ST8SIA6: variants seen among roughly 807,000 people sequenced by gnomAD.
ST8SIA6 encodes the protein ST8 alpha-N-acetyl-neuraminide alpha-2,8-sialyltransferase 6, also known as alpha-2,8-sialyltransferase 8F.
ST8SIA6 carries 39 observed loss-of-function variants against 33.6 expected under a neutral mutation model. The observed-to-expected ratio is 1.16, with a 90% CI of 0.90 to 1.52. The LOEUF (loss-of-function observed/expected upper bound fraction) is 1.52, where lower values mean the gene tolerates loss of function less well. Among genes scored for constraint, ST8SIA6 ranks in the 40% most tolerant of loss-of-function variants. ST8SIA6 has a pLI of 0.00. For synonymous variants in ST8SIA6, 172 were observed against 167.2 expected (o/e 1.03, Z -0.22); for missense variants, 441 against 443.8 (o/e 0.99, Z 0.06).
chr10:17,377,095 C>G (rs533033298), intron 3 of ST8SIA6, among the ~76,000 whole-genome samples: 2 of 152,134 alleles, frequency 1.3e-5, no homozygotes, highest in East Asian at 3.8e-4. Context: ...TGATGACATT[C>G]CACCATCATG....
chr10:17,385,553 GTTA>G (rs887707908), intron 3 of ST8SIA6, among the ~76,000 whole-genome samples: 11 of 151,272 alleles, frequency 7.3e-5, no homozygotes, highest in African/African-American at 2.4e-4. Flanking sequence ...GTTAAAGGGG[GTTA>G]TTCTCTTGCA....
intron 2 of ST8SIA6, among the ~76,000 whole-genome samples, chr10:17,434,352 G>A (rs1455537756): frequency 2.0e-5 from 3 of 152,214 alleles, no homozygotes; most frequent in South Asian, 2.1e-4. Context: ...GTTTTTACCC[G>A]ATCAAATTAG....
At chr10:17,343,407 T>A (rs1429917704) in intron 4 of ST8SIA6, among the ~76,000 whole-genome samples, 1 of 152,218 alleles carries the variant, frequency 6.6e-6, no homozygotes, top group African/African-American at 2.4e-5. Flanking sequence ...AGCTCATAAA[T>A]GTTTGAAAAG....
chr10:17,326,916 T>G (rs1848148723), intron 6 of ST8SIA6, 98 bp downstream of exon 6: 3 of 835,376 alleles, frequency 3.6e-6, no homozygotes, highest in Admixed American at 3.5e-5. Flanking sequence ...GTAACAGAGC[T>G]CAAAGGTGAA....
At position 17,454,331 on chromosome 10, in the gene ST8SIA6, C is replaced by G. The variant is rs1217486840; in HGVS notation, c.-76G>C. ...CCGGGCGGCCCCGACTCGCGGCTCC[C>G]GCCGCCGCCGCCACCGCCGCCGTGG... On this transcript the variant is annotated 5_prime_UTR_variant, in exon 1 of 8. Transcript: ENST00000377602. The surrounding 1 kb of genome is among the most constrained non-coding windows in gnomAD (Gnocchi z 4.1). 1 of 162,822 alleles carries G rather than the reference C, an allele frequency of 6.1e-6. No individual in the cohort carries two copies. The highest frequency in any genetic ancestry group is 6.5e-5 in the Admixed American group (1 of 15,410). 10.1% of individuals were successfully genotyped at this position (162,822 alleles called of 1,614,324 possible).
intron 2 of ST8SIA6, among the ~76,000 whole-genome samples, chr10:17,420,987 ACGAGAACAGCAAGGGTGAAATCG>A (rs1470263850): frequency 1.3e-5 from 2 of 152,152 alleles, no homozygotes; most frequent in East Asian, 3.9e-4. Flanking sequence ...AGAACAGAAC[ACGAGAACAGCAAGGGTGAAATCG>A]CGAGAACAGC....
chr10:17,348,451 G>C lies in ST8SIA6; in HGVS notation c.377+11063C>G, dbSNP rs186322352. On this transcript the variant is annotated intron_variant, in intron 4 of 7. Coordinates refer to ENST00000377602, the MANE Select transcript of ST8SIA6 (RefSeq NM_001004470.3). ...TATTTCATGAACTTCAATTTACCAG[G>C]CCAAGTCCTAACTGTAGGCTTAGGC... Among the ~76,000 whole-genome samples, 56 of 152,162 alleles carry C rather than the reference G, an allele frequency of 3.7e-4. No homozygotes were observed. The South Asian group carries it at 1.0e-2, about 27-fold the overall frequency.
chr10:17,399,084 T>C (rs981428560), intron 2 of ST8SIA6: 1 of 152,212 alleles, frequency 6.6e-6, no homozygotes, highest in Non-Finnish European at 1.5e-5. Flanking sequence ...AAGTCTGCCT[T>C]TGTATATCCA....
chr10:17,325,111 T>C, intron 6 of ST8SIA6, among the ~76,000 whole-genome samples: 1 of 141,416 alleles, frequency 7.1e-6, no homozygotes, highest in Middle Eastern at 6.3e-3. Context: ...TTATACAGAA[T>C]ATATGTATAT....
chr10:17,364,951 C>T (rs1253814048), intron 3 of ST8SIA6, among the ~76,000 whole-genome samples: 2 of 152,186 alleles, frequency 1.3e-5, no homozygotes, highest in African/African-American at 4.8e-5. Flanking sequence ...AAACAGCTTG[C>T]TCAATATTGC....
rs112096750 is a variant in ST8SIA6, at chr10:17,347,372, T to G, written c.377+12142A>C. Among the ~76,000 whole-genome samples the G allele has an allele frequency of 2.5e-3, 382 of 152,302 alleles. 1 individual carries two copies. Among genetic ancestry groups the G allele is most frequent in the Middle Eastern group, 3.4e-3 (1 of 294 alleles). ...ACAGCAAGGGTCATGCAGGGCTTTC[T>G]GATTCAGGCCACTGGGAGAAGGATG... On this transcript the variant is annotated intron_variant, in intron 4 of 7. Coordinates refer to ENST00000377602, the MANE Select transcript of ST8SIA6 (RefSeq NM_001004470.3).
chr10:17,450,364 G>C (rs1302088601), intron 2 of ST8SIA6, among the ~76,000 whole-genome samples: 1 of 152,188 alleles, frequency 6.6e-6, no homozygotes, highest in Non-Finnish European at 1.5e-5. Context: ...AGAAGGAAAA[G>C]ATACCATAAT....
chr10:17,322,606 G>A (rs552060395), intron 7 of ST8SIA6, among the ~76,000 whole-genome samples: 2 of 152,238 alleles, frequency 1.3e-5, no homozygotes, highest in East Asian at 3.9e-4. Context: ...CAATTGTATG[G>A]TAGTTATGTT....
intron 2 of ST8SIA6, among the ~76,000 whole-genome samples, chr10:17,446,275 G>A (rs1280863176): frequency 6.6e-6 from 1 of 152,170 alleles, no homozygotes; most frequent in Non-Finnish European, 1.5e-5. Context: ...TAATGTAGGA[G>A]GAGGCTATTG....
chr10:17,385,836 G>A (rs1013376907), intron 3 of ST8SIA6, among the ~76,000 whole-genome samples: 1 of 152,112 alleles, frequency 6.6e-6, no homozygotes, highest in Non-Finnish European at 1.5e-5. Context: ...ACTTCCTGAG[G>A]CTGTGTCACG....
intron 2 of ST8SIA6, among the ~76,000 whole-genome samples, chr10:17,404,749 T>C (rs1311716452): frequency 6.6e-6 from 1 of 152,174 alleles, no homozygotes; most frequent in African/African-American, 2.4e-5. Flanking sequence ...TTTCCTTGTA[T>C]TCGAAGTTGA....
At chr10:17,381,756 AT>A (rs1209846114) in intron 3 of ST8SIA6, among the ~76,000 whole-genome samples, 1 of 152,190 alleles carries the variant, frequency 6.6e-6, no homozygotes, top group African/African-American at 2.4e-5. Flanking sequence ...TGCTTGTGTA[AT>A]TTTTAATAAG....
rs1392660106 is a variant in ST8SIA6, at chr10:17,319,515, C to A, written c.*1363G>T. Among the ~76,000 whole-genome samples the A allele has an allele frequency of 6.6e-6, 1 of 152,116 alleles. No individual in the cohort carries two copies. Among genetic ancestry groups the A allele is most frequent in the Admixed American group, 6.5e-5 (1 of 15,268 alleles). On this transcript the variant is annotated 3_prime_UTR_variant, in exon 8 of 8. Coordinates refer to ENST00000377602, the MANE Select transcript of ST8SIA6 (RefSeq NM_001004470.3). Reference sequence around the variant, plus strand: ...CTACAATTTTCTCCACAAAAGAAAACCCGCAAACATTCTTTTTCTCCTAAG... The same window carrying A: ...CTACAATTTTCTCCACAAAAGAAAAACCGCAAACATTCTTTTTCTCCTAAG...
At chr10:17,436,883 G>A (rs1852280766) in intron 2 of ST8SIA6, among the ~76,000 whole-genome samples, 1 of 152,102 alleles carries the variant, frequency 6.6e-6, no homozygotes, top group Non-Finnish European at 1.5e-5. Context: ...GCCACCCTGT[G>A]AGATATGCCT....
Sources: allele counts gnomAD v4.1 joint callset (sites outside exome capture counted in the v4.1 genomes callset), GRCh38; gene constraint gnomAD v4.1.1; non-coding constraint Gnocchi (gnomAD v3.1); transcripts MANE v1.5; gene names NCBI Gene and HGNC (gene_info 2026-07-23, HGNC 2026-07-21).